The following PLEKHA4 variants were observed in gnomAD, a reference collection of about 807,000 sequenced individuals.
PLEKHA4 encodes the protein pleckstrin homology domain containing A4, also known as pleckstrin homology domain-containing family A member 4.
In PLEKHA4, 73 loss-of-function variants were observed where a neutral mutation model predicts 94.7. The ratio of observed to expected loss-of-function variants is 0.77; its 90% CI spans 0.64 to 0.94. The LOEUF is 0.94. Ranked by LOEUF, PLEKHA4 falls within the 40% of genes least tolerant of loss-of-function variation. The probability of loss-of-function intolerance (pLI) is 0.00; values close to 1 mark genes in which losing one functional copy is unlikely to be tolerated. For synonymous variants in PLEKHA4, 449 were observed against 437.1 expected, an observed-to-expected ratio of 1.03 and a Z score of -0.34; for missense variants, 1,049 against 1,054.1, an observed-to-expected ratio of 1.00 and a Z score of 0.07.
chr19:48,854,590 C>T (rs2036332937), intron 9 of PLEKHA4, among the ~76,000 whole-genome samples: 1 of 151,160 alleles, frequency 6.6e-6, no homozygotes. Flanking sequence ...TGGGGTTTTG[C>T]CATGTTGCCC....
intron 9 of PLEKHA4, among the ~76,000 whole-genome samples, chr19:48,855,088 A>G (rs1481292804): frequency 1.3e-5 from 2 of 152,122 alleles, no homozygotes; most frequent in African/African-American, 4.8e-5. Flanking sequence ...AGAAAGATCA[A>G]TAATGGGCTC....
intron 13 of PLEKHA4, among the ~76,000 whole-genome samples, chr19:48,848,690 G>A (rs556770140): frequency 7.3e-5 from 11 of 151,346 alleles, no homozygotes; most frequent in African/African-American, 2.7e-4. Context: ...CCAGCCACTC[G>A]GGAGGCTGAG....
rs193103021 is a variant in PLEKHA4 at position 48,848,172 on chromosome 19, T to A, written c.1426-132A>T. 1.1e-3 allele frequency: 1,178 copies of A among 1,076,726 alleles called. 3 individuals carry two copies. The African/African-American group carries it at 0.011, about 10-fold the overall frequency. 66.7% of individuals were successfully genotyped at this position (1,076,726 alleles called of 1,614,324 possible). On this transcript the variant is annotated intron_variant, in intron 13 of 19. Coordinates refer to ENST00000263265, the MANE Select transcript of PLEKHA4 (RefSeq NM_020904.3). ...GTTGGGATTTATTTTTTTTCCCATG[T>A]GGTTATCCAGTTGAATTGAAAAAAA...
rs1292869041 is a variant in PLEKHA4, at chr19:48,837,418, T to G, written c.2211A>C (p.Arg737=). Residue 737 remains arginine, a synonymous_variant, in exon 20 of 20, where the codon CGA becomes CGC. Coordinates refer to ENST00000263265, the MANE Select transcript of PLEKHA4 (RefSeq NM_020904.3). The surrounding 1 kb of genome is among the most constrained non-coding windows in gnomAD (Gnocchi z 4.3). The part of the protein sequence containing the change: ...ANSGSTGFSR[R]GSGRGGGPTP... Reference sequence around the variant, plus strand: ...TGGGACCTCCTCCACGCCCACTCCCTCGGCGAGAGAACCCCGTGGAACCCG... The same window carrying G: ...TGGGACCTCCTCCACGCCCACTCCCGCGGCGAGAGAACCCCGTGGAACCCG... The G allele has an allele frequency of 6.2e-7, 1 of 1,613,200 alleles. No homozygotes were observed.
chr19:48,862,574 T>G (rs2036684899), intron 3 of PLEKHA4, among the ~76,000 whole-genome samples: 1 of 151,428 alleles, frequency 6.6e-6, no homozygotes, highest in South Asian at 2.1e-4. Flanking sequence ...AGTGGCACGA[T>G]CTCAGCTCAC....
intron 9 of PLEKHA4, among the ~76,000 whole-genome samples, chr19:48,857,101 C>G (rs1568548353): frequency 6.6e-6 from 1 of 151,744 alleles, no homozygotes; most frequent in Admixed American, 6.6e-5. Flanking sequence ...TAAAAAAAAC[C>G]ACAGAACCTC....
chr19:48,858,627 C>CAAAAAAAAAAAAAAA lies in PLEKHA4; in HGVS notation c.972+218_972+232dup, dbSNP rs56663437. Among the ~76,000 whole-genome samples the CAAAAAAAAAAAAAAA allele has an allele frequency of 5.4e-3, 344 of 63,384 alleles. 70 individuals carry two copies. The highest frequency in any genetic ancestry group is 0.034 in the African/African-American group (314 of 9,206). 41.6% of individuals were successfully genotyped at this position (63,384 alleles called of 152,430 possible). A position where few individuals can be genotyped will look rare whatever the true frequency, so the allele number is the denominator to read the frequency against. On this transcript the variant is annotated intron_variant, in intron 8 of 19. Transcript: ENST00000263265. ...TGGCGACAGAGCAAGACCTCAGTCT[C>CAAAAAAAAAAAAAAA]AAAAAAAAAAAAAAAAAGCAATGGC...
Position 48,837,316 on chromosome 19 carries a change from T to C in PLEKHA4, c.2313A>G (p.Arg771=), listed in dbSNP as rs753287365. ...LPQDEGAWPL[R]VTLLQSSF is the part of the protein sequence containing the mutation. ...AGAAGCTGGATTGTAGCAGAGTGACTCGCAGAGGCCATGCCCCCTCGTCTT... is the reference window on the plus strand; with the variant it reads ...AGAAGCTGGATTGTAGCAGAGTGACCCGCAGAGGCCATGCCCCCTCGTCTT... The change falls in exon 20 of 20, where the codon CGA becomes CGG. Residue 771 remains arginine (R), a synonymous_variant. Coordinates refer to ENST00000263265, the MANE Select transcript of PLEKHA4 (RefSeq NM_020904.3). The surrounding 1 kb of genome is among the most constrained non-coding windows in gnomAD (Gnocchi z 4.3). 1 of 1,613,904 alleles carries C rather than the reference T, an allele frequency of 6.2e-7. No individual in the cohort carries two copies. The highest frequency in any genetic ancestry group is 8.5e-7 in the Non-Finnish European group (1 of 1,180,012).
chr19:48,851,473 G>C (rs1283716867), intron 13 of PLEKHA4, among the ~76,000 whole-genome samples: 1 of 151,324 alleles, frequency 6.6e-6, no homozygotes, highest in Admixed American at 6.6e-5. Context: ...AAAATTAGCT[G>C]GGCGTGGTGG....
rs534083592 is a variant in PLEKHA4 at position 48,852,928 on chromosome 19, G to A, written c.1327-602C>T. On this transcript the variant is annotated intron_variant, in intron 12 of 19. Coordinates refer to ENST00000263265, the MANE Select transcript of PLEKHA4 (RefSeq NM_020904.3). ...AGCCTGAGCAACAGAGCAAGAATCC[G>A]TCTCAAAAAAAATAACCACAGCACC... is the stretch of plus-strand genomic sequence containing the variant. Among the ~76,000 whole-genome samples the A allele has an allele frequency of 7.3e-5, 11 of 151,714 alleles. 1 individual carries two copies. The highest frequency in any genetic ancestry group is 1.9e-4 in the African/African-American group (8 of 41,356).
chr19:48,852,195 G>A, intron 13 of PLEKHA4, 33 bp downstream of exon 13: 1 of 1,518,350 alleles, frequency 6.6e-7, no homozygotes, highest in Non-Finnish European at 9.1e-7. Flanking sequence ...TGGAGTTGGG[G>A]GTGGGTCTTG....
At chr19:48,843,276 T>G (rs1418790770) in intron 16 of PLEKHA4, among the ~76,000 whole-genome samples, 1 of 152,120 alleles carries the variant, frequency 6.6e-6, no homozygotes, top group African/African-American at 2.4e-5. Context: ...CCTCCCAGGT[T>G]CAAGCGATTC....
rs1401660827 is a variant in PLEKHA4, at chr19:48,857,609, C to T, written c.973-113G>A. 5.9e-5 allele frequency: 39 copies of T among 666,360 alleles called. No individual in the cohort carries two copies. In the East Asian group the frequency reaches 1.1e-3, roughly 19 times the overall value. The allele number at this position is 666,360 out of a possible 1,614,324, so 41.3% of individuals were successfully genotyped here. A position where few individuals can be genotyped will look rare whatever the true frequency, so the allele number is the denominator to read the frequency against. ...GCCTTGGGATCCTGTTGATCTATGACCTTACCCCCAACCCTGTGCTCTCTG... is the reference window on the plus strand; with the variant it reads ...GCCTTGGGATCCTGTTGATCTATGATCTTACCCCCAACCCTGTGCTCTCTG... On this transcript the variant is annotated intron_variant, in intron 8 of 19. Coordinates refer to ENST00000263265, the MANE Select transcript of PLEKHA4 (RefSeq NM_020904.3).
At chr19:48,854,697 T>G (rs909847985) in intron 9 of PLEKHA4, among the ~76,000 whole-genome samples, 1 of 56,140 alleles carries the variant, frequency 1.8e-5, no homozygotes, top group Non-Finnish European at 3.2e-5. Flanking sequence ...ATGCCTGGCC[T>G]TTTTTTTTTT....
chr19:48,850,556 G>A (rs1466270129), intron 13 of PLEKHA4, among the ~76,000 whole-genome samples: 9 of 152,118 alleles, frequency 5.9e-5, no homozygotes, highest in East Asian at 1.9e-4. Flanking sequence ...GGTGGCTCAC[G>A]CCTGTAATCT....
At chr19:48,865,729 G>T in intron 2 of PLEKHA4, 119 bp from the exon 3 acceptor site, 1 of 649,966 alleles carries the variant, frequency 1.5e-6, no homozygotes, top group Non-Finnish European at 2.7e-6. Context: ...ATGGGTCAAG[G>T]ACCAGCCGGG....
Position 48,859,398 on chromosome 19 carries a change from C to A in PLEKHA4, c.692+71G>T, listed in dbSNP as rs1228960018. 4 of 1,536,834 alleles carry A rather than the reference C, an allele frequency of 2.6e-6. No homozygotes were observed. In the African/African-American group the frequency reaches 5.5e-5, roughly 21 times the overall value. On this transcript the variant is annotated intron_variant, in intron 7 of 19. Coordinates refer to ENST00000263265, the MANE Select transcript of PLEKHA4 (RefSeq NM_020904.3). ...CACACTCAAGCAGAAAGCGCTAAGG[C>A]CCGCCCCCAACCAGTTTCCGGCCCT...
chr19:48,848,667 C>T (rs1228343890), intron 13 of PLEKHA4, among the ~76,000 whole-genome samples: 2 of 148,656 alleles, frequency 1.3e-5, no homozygotes, highest in African/African-American at 2.5e-5. Flanking sequence ...GGTGGTGGTG[C>T]ATGCCTGTGA....
chr19:48,839,080 A>G, intron 18 of PLEKHA4, 125 bp downstream of exon 18: 1 of 515,210 alleles, frequency 1.9e-6, no homozygotes, highest in Non-Finnish European at 3.3e-6. Flanking sequence ...CCGGGAACTT[A>G]AGCATCTCTA....
Sources: gnomAD v4.1 joint callset for allele counts (sites outside exome capture counted in the v4.1 genomes callset) on GRCh38, gnomAD v4.1.1 for gene constraint, Gnocchi (gnomAD v3.1) non-coding constraint, MANE v1.5 for transcripts, NCBI Gene and HGNC (gene_info 2026-07-23, HGNC 2026-07-21) for gene names.